Variants in AKAP10 observed in about 807,000 individuals in gnomAD.
The protein encoded by AKAP10 is A-kinase anchoring protein 10, also known as A-kinase anchor protein 10, mitochondrial.
AKAP10 carries 24 observed loss-of-function variants against 80.8 expected under a neutral mutation model. The observed-to-expected ratio is 0.30, with a 90% CI of 0.22 to 0.42. AKAP10 has a LOEUF of 0.42. Among genes scored for constraint, AKAP10 ranks in the 10% least tolerant of loss-of-function variants. The pLI is 1.00. For missense variants in AKAP10, 661 were observed against 794.9 expected (o/e 0.83, Z 2.03); for synonymous variants, 291 against 277.7 (o/e 1.05, Z -0.48).
chr17:19,906,902 C>T (rs767221884), intron 14 of AKAP10, among the ~76,000 whole-genome samples: 1 of 151,946 alleles, frequency 6.6e-6, no homozygotes, highest in Non-Finnish European at 1.5e-5. Flanking sequence ...GTTTTGGTGT[C>T]GAATTTCTCT....
chr17:19,914,511 G>A (rs1248903569), intron 12 of AKAP10, among the ~76,000 whole-genome samples: 1 of 151,464 alleles, frequency 6.6e-6, no homozygotes, highest in African/African-American at 2.4e-5. Context: ...GTATGGTGGT[G>A]TGTGCCTGCA....
intron 7 of AKAP10, 98 bp from the exon 8 acceptor site, chr17:19,939,947 G>A: frequency 4.5e-6 from 6 of 1,323,208 alleles, no homozygotes; most frequent in Non-Finnish European, 5.0e-6. Flanking sequence ...CAGGTCATAA[G>A]CAAAAAACAA....
chr17:19,907,433 CAG>C (rs1434424873), intron 14 of AKAP10, among the ~76,000 whole-genome samples: 1 of 136,514 alleles, frequency 7.3e-6, no homozygotes, highest in Admixed American at 7.7e-5. Context: ...TTTTTTGAGA[CAG>C]AGTCTCACTC....
intron 1 of AKAP10, among the ~76,000 whole-genome samples, chr17:19,974,893 G>C (rs560643751): frequency 8.6e-5 from 13 of 151,840 alleles, no homozygotes; most frequent in Non-Finnish European, 1.9e-4. Context: ...GGTTGATCTC[G>C]AACTGGCCTC....
At position 19,971,487 on chromosome 17, in the gene AKAP10, C is replaced by T. The variant is rs147968052; in HGVS notation, c.89-3026G>A. Among the ~76,000 whole-genome samples, 226 of 146,806 alleles carry T rather than the reference C, an allele frequency of 1.5e-3. 3 individuals are homozygous for T. The highest frequency in any genetic ancestry group is 5.3e-3 in the African/African-American group (210 of 39,724). ...TCACGCCACTGCACTCCAGCCTGGG[C>T]AACAGAGTGAGACTCCATCTCAAAA... is the stretch of plus-strand genomic sequence containing the variant. On this transcript the variant is annotated intron_variant, in intron 1 of 14. Transcript: ENST00000225737.
In AKAP10 at chr17:19,962,857, G is replaced by A. The variant is rs2043369607; in HGVS notation, c.302C>T (p.Ala101Val). The change falls in exon 3 of 15, where the codon GCT becomes GTT. Residue 101 changes from alanine to valine, a missense_variant. Transcript: ENST00000225737. Reference sequence around the variant, plus strand: ...TTACTTACCCAGGTCACCAAAATGAGCGGCCTCCATGTGGCTTGGCTGCTT... The same window carrying A: ...TTACTTACCCAGGTCACCAAAATGAACGGCCTCCATGTGGCTTGGCTGCTT... ...LKKQPSHMEAAHFGDLGRSCL... is the reference protein window; with the variant it reads ...LKKQPSHMEAVHFGDLGRSCL... 6.2e-7 allele frequency: 1 copy of A among 1,612,988 alleles called. No homozygotes were observed. Among genetic ancestry groups the A allele is most frequent in the Non-Finnish European group, 8.5e-7 (1 of 1,179,414 alleles).
rs1567765611 is a variant in AKAP10 at position 19,946,245 on chromosome 17, A to ATTT, written c.976+1161_976+1162insAAA. ...TTTTATATATATATATATTATATAT[A>ATTT]TATATATATATATATATATATATAT... On this transcript the variant is annotated intron_variant, in intron 5 of 14. Coordinates refer to ENST00000225737, the MANE Select transcript of AKAP10 (RefSeq NM_007202.4). Among the ~76,000 whole-genome samples, 24 of 13,816 alleles carry ATTT rather than the reference A, an allele frequency of 1.7e-3. 4 individuals are homozygous for ATTT. The highest frequency in any genetic ancestry group is 0.011 in the African/African-American group (23 of 2,128). 9.1% of individuals were successfully genotyped at this position (13,816 alleles called of 152,430 possible). A position where few individuals can be genotyped will look rare whatever the true frequency, so the allele number is the denominator to read the frequency against.
chr17:19,926,182 A>G (rs1444359502), intron 10 of AKAP10, among the ~76,000 whole-genome samples: 1 of 152,164 alleles, frequency 6.6e-6, no homozygotes, highest in Non-Finnish European at 1.5e-5. Flanking sequence ...AAATCAATTA[A>G]TATTTCACAT....
intron 10 of AKAP10, 59 bp downstream of exon 10, chr17:19,931,746 A>C: frequency 6.6e-7 from 1 of 1,510,966 alleles, no homozygotes; most frequent in Non-Finnish European, 9.0e-7. Flanking sequence ...TGTTACTGGG[A>C]TGTGAAGGAA....
At chr17:19,929,935 C>A (rs184221580) in intron 10 of AKAP10, among the ~76,000 whole-genome samples, 1 of 151,170 alleles carries the variant, frequency 6.6e-6, no homozygotes, top group Non-Finnish European at 1.5e-5. Context: ...CACGATCGTG[C>A]CATTGCACTC....
intron 1 of AKAP10, among the ~76,000 whole-genome samples, chr17:19,973,757 A>G (rs1330251342): frequency 6.6e-6 from 1 of 152,240 alleles, no homozygotes; most frequent in East Asian, 1.9e-4. Context: ...ATGACTGCCT[A>G]GACCAGGGTG....
chr17:19,942,872 T>A lies in AKAP10; in HGVS notation c.977-962A>T, dbSNP rs74255381. The stretch of plus-strand genomic sequence containing the variant: ...AATACAAATCTGTGATACTGTGAAA[T>A]ATGTTATTTAGTCTTTGCCCAGTTT... On this transcript the variant is annotated intron_variant, in intron 5 of 14. Coordinates refer to ENST00000225737, the MANE Select transcript of AKAP10 (RefSeq NM_007202.4). Among the ~76,000 whole-genome samples the A allele has an allele frequency of 2.7e-3, 405 of 152,046 alleles. 15 individuals are homozygous for A. The East Asian group carries it at 0.074, about 28-fold the overall frequency.
In AKAP10 at chr17:19,945,810, T is replaced by C. The variant is rs184981451; in HGVS notation, c.976+1597A>G. On this transcript the variant is annotated intron_variant, in intron 5 of 14. Transcript: ENST00000225737. ...TCTGCTAAAAGTGCAAGAACATGTCTTATTTCATAAATCACAAATACTAAC... is the reference window on the plus strand; with the variant it reads ...TCTGCTAAAAGTGCAAGAACATGTCCTATTTCATAAATCACAAATACTAAC... Among the ~76,000 whole-genome samples, 11 of 152,252 alleles carry C rather than the reference T, an allele frequency of 7.2e-5. No individual in the cohort carries two copies. In the East Asian group the frequency reaches 2.1e-3, roughly 29 times the overall value.
intron 3 of AKAP10, among the ~76,000 whole-genome samples, chr17:19,958,842 CTTTTTTTTTTT>C (rs772496178): frequency 0.093 from 8,687 of 93,078 alleles, 746 homozygotes; most frequent in African/African-American, 0.27. Flanking sequence ...CATGTAAATT[CTTTTTTTTTTT>C]TTTTTTTTTT....
chr17:19,945,186 A>G (rs1033978188), intron 5 of AKAP10, among the ~76,000 whole-genome samples: 5 of 152,314 alleles, frequency 3.3e-5, no homozygotes, highest in Middle Eastern at 6.8e-3. Flanking sequence ...CTTTTCCTTC[A>G]TGGGATTACA....
At chr17:19,918,181 T>C (rs142481709) in intron 12 of AKAP10, among the ~76,000 whole-genome samples, 103 of 148,630 alleles carry the variant, frequency 6.9e-4, no homozygotes, top group African/African-American at 2.5e-3. Flanking sequence ...GATCGCACCA[T>C]TGCACTCCAG....
At chr17:19,918,434 T>C (rs2042774039) in intron 12 of AKAP10, among the ~76,000 whole-genome samples, 1 of 152,078 alleles carries the variant, frequency 6.6e-6, no homozygotes, top group South Asian at 2.1e-4. Flanking sequence ...CTCAGGAGCC[T>C]GAGGCAGTAG....
chr17:19,951,196 C>CT (rs2043206233), intron 4 of AKAP10, among the ~76,000 whole-genome samples: 1 of 116,018 alleles, frequency 8.6e-6, no homozygotes, highest in African/African-American at 2.8e-5. Context: ...GGGGTCAGCC[C>CT]CCGCCCGGCC....
chr17:19,914,311 T>A (rs2152409981), intron 12 of AKAP10, among the ~76,000 whole-genome samples: 1 of 152,298 alleles, frequency 6.6e-6, no homozygotes, highest in East Asian at 1.9e-4. Context: ...AGAAATAAGC[T>A]ATAAACAAGT....
Sources: gnomAD v4.1 joint callset for allele counts (sites outside exome capture counted in the v4.1 genomes callset) on GRCh38, gnomAD v4.1.1 for gene constraint, MANE v1.5 for transcripts, NCBI Gene and HGNC (gene_info 2026-07-23, HGNC 2026-07-21) for gene names.